Variants in TULP1 observed in about 807,000 individuals in gnomAD.
TULP1 encodes the protein TUB like protein 1.
Under a neutral mutation model 67.1 loss-of-function variants are expected in TULP1, and 50 were observed. That is an observed-to-expected ratio of 0.75 (90% CI 0.59 to 0.94). The LOEUF (loss-of-function observed/expected upper bound fraction) is 0.94. Among genes scored for constraint, TULP1 ranks in the 40% least tolerant of loss-of-function variants. TULP1 has a pLI of 0.00. For synonymous variants in TULP1, 297 were observed against 294.0 expected (o/e 1.01, Z -0.11); for missense variants, 746 against 734.1 (o/e 1.02, Z -0.19).
chr6:35,505,365 C>T (rs915552708), intron 11 of TULP1, among the ~76,000 whole-genome samples: 2 of 152,190 alleles, frequency 1.3e-5, no homozygotes, highest in African/African-American at 4.8e-5. Flanking sequence ...TATGTTCATT[C>T]ACTTGATCAG....
Position 35,503,741 on chromosome 6 carries a change from A to G in TULP1, c.1220T>C (p.Ile407Thr). 6.2e-7 allele frequency: 1 copy of G among 1,612,704 alleles called. No individual in the cohort carries two copies. Among genetic ancestry groups the G allele is most frequent in the Non-Finnish European group, 8.5e-7 (1 of 1,179,414 alleles). ...GGGGACAGGTGGAGTCCTCACATAG[A>G]TCACAGCTGCCAGCTCCTGCCGAAG... is the stretch of plus-strand genomic sequence containing the variant. ...ASLRQELAAV[I>T]YETNVLGFRG... The change falls in exon 12 of 15, where the codon ATC becomes ACC. Residue 407 changes from isoleucine (I) to threonine (T), a missense_variant. Transcript: ENST00000229771. The surrounding 1 kb of genome is among the most constrained non-coding windows in gnomAD (Gnocchi z 4.0).
intron 8 of TULP1, among the ~76,000 whole-genome samples, chr6:35,508,080 C>G (rs1761119520): frequency 6.6e-6 from 1 of 152,184 alleles, no homozygotes; most frequent in Non-Finnish European, 1.5e-5. Flanking sequence ...CTCCTCCTCC[C>G]AAAGTGCTGG....
In TULP1 at chr6:35,507,226, A is replaced by C. The variant is rs562161661; in HGVS notation, c.823-947T>G. 8.0e-5 allele frequency among the ~76,000 whole-genome samples: 12 copies of C among 149,398 alleles called. 1 individual carries two copies. Among genetic ancestry groups the C allele is most frequent in the African/African-American group, 2.7e-4 (11 of 40,536 alleles). On this transcript the variant is annotated intron_variant, in intron 8 of 14. Transcript: ENST00000229771. ...AGCAAAAAAAAAAAAAAAAAAGAAC[A>C]CTCAAGCAGCCTCCAGGAGAGGTCC...
In TULP1 at chr6:35,510,997, T is replaced by G. The variant is rs1031858478; in HGVS notation, c.363A>C (p.Glu121Asp). 5.0e-6 allele frequency: 8 copies of G among 1,603,614 alleles called. No individual in the cohort carries two copies. Among genetic ancestry groups the G allele is most frequent in the Non-Finnish European group, 5.9e-6 (7 of 1,177,132 alleles). The change falls in exon 5 of 15, where the codon GAA (glutamate) becomes GAC (aspartate). Residue 121 changes from glutamate (E) to aspartate (D), a missense_variant. Physicochemically the swap from Glu to Asp is conservative, Grantham distance 45. Coordinates refer to ENST00000229771, the MANE Select transcript of TULP1 (RefSeq NM_003322.6). ...APDAEDEEEE[E>D]EEDEEDEEEE... ...CTTCCTCGTCCTCCTCGTCCTCCTC[T>G]TCCTCCTCCTCCTCTGCAGGTAGAA...
At chr6:35,511,949 A>C in intron 3 of TULP1, 143 bp from the exon 4 acceptor site, 3 of 959,098 alleles carry the variant, frequency 3.1e-6, no homozygotes, top group South Asian at 3.9e-5. Context: ...TCCACTTTCA[A>C]CACTTCTCCC....
chr6:35,498,160 C>G lies in TULP1; in HGVS notation c.*167G>C, dbSNP rs1400425569. 8.5e-7 allele frequency: 1 copy of G among 1,171,212 alleles called. No homozygotes were observed. Among genetic ancestry groups the G allele is most frequent in the East Asian group, 2.6e-5 (1 of 38,774 alleles). The allele number at this position is 1,171,212 out of a possible 1,614,324, so 72.6% of individuals were successfully genotyped here. ...CCGTCCGGGCTCCTCCTGCCTCGGC[C>G]TGTGCCAGGCTGGGGAGAGGACGGA... On this transcript the variant is annotated 3_prime_UTR_variant, in exon 15 of 15. Coordinates refer to ENST00000229771, the MANE Select transcript of TULP1 (RefSeq NM_003322.6). This position sits in a 1 kb window ranked among gnomAD's most constrained non-coding sequence, Gnocchi z 6.7.
At chr6:35,511,890 C>A (rs1761213164) in intron 3 of TULP1, 84 bp from the exon 4 acceptor site, 1 of 1,410,954 alleles carries the variant, frequency 7.1e-7, no homozygotes, top group Non-Finnish European at 9.4e-7. Flanking sequence ...CAAGCCTGGG[C>A]GCACCCCCTC....
At chr6:35,506,345 A>C in intron 8 of TULP1, 66 bp from the exon 9 acceptor site, 1 of 1,546,310 alleles carries the variant, frequency 6.5e-7, no homozygotes, top group Non-Finnish European at 8.7e-7. Context: ...CGGGGAAGCC[A>C]CTGCCCCTCA....
At chr6:35,512,717 T>G in intron 1 of TULP1, 27 bp from the exon 2 acceptor site, 1 of 1,612,514 alleles carries the variant, frequency 6.2e-7, no homozygotes, top group Non-Finnish European at 8.5e-7. Flanking sequence ...GATCAGCCTG[T>G]CTCCCTTCCC....
intron 11 of TULP1, chr6:35,505,514 TG>T: frequency 1.5e-6 from 2 of 1,297,464 alleles, no homozygotes; most frequent in Non-Finnish European, 2.1e-6. Context: ...GGGCATCGCC[TG>T]GGTGCTCATT....
intron 5 of TULP1, 46 bp from the exon 6 acceptor site, chr6:35,509,974 G>A (rs1441563472): frequency 2.5e-6 from 4 of 1,580,272 alleles, no homozygotes; most frequent in Non-Finnish European, 2.6e-6. Context: ...GTCTACTGGG[G>A]CTGAAGGCTG....
In TULP1 at chr6:35,503,704, C is replaced by A. The variant is rs1273766065; in HGVS notation, c.1224+33G>T. The A allele has an allele frequency of 1.2e-6, 2 of 1,604,384 alleles. No individual in the cohort carries two copies. The highest frequency in any genetic ancestry group is 1.7e-6 in the Non-Finnish European group (2 of 1,175,454). On this transcript the variant is annotated intron_variant, in intron 12 of 14. Coordinates refer to ENST00000229771, the MANE Select transcript of TULP1 (RefSeq NM_003322.6). This position sits in a 1 kb window ranked among gnomAD's most constrained non-coding sequence, Gnocchi z 4.0. ...GTGAGGCCAGCCCCTGTAAGGGGAG[C>A]AGCCTGGCATGGGGGACAGGTGGAG...
chr6:35,506,423 T>G (rs1039962135), intron 8 of TULP1, 144 bp from the exon 9 acceptor site: 27 of 1,058,038 alleles, frequency 2.6e-5, no homozygotes, highest in African/African-American at 3.1e-5. Flanking sequence ...ATTTTGATTC[T>G]GCTTAGCTTG....
rs1279906432 is a variant in TULP1, at chr6:35,506,070, C to T, written c.932G>A (p.Arg311Gln). 26 of 1,613,570 alleles carry T rather than the reference C, an allele frequency of 1.6e-5. No homozygotes were observed. Among genetic ancestry groups the T allele is most frequent in the African/African-American group, 5.3e-5 (4 of 74,930 alleles). ...QGRTVRCRLT[R>Q]DKKGMDRGMY... is the part of the protein sequence containing the mutation. The stretch of plus-strand genomic sequence containing the variant: ...GCCTCGATCCATGCCCTTTTTGTCC[C>T]GGGTCAGCCGGCAGCGCACCGTGCG... The change falls in exon 10 of 15, where the codon CGG (arginine) becomes CAG (glutamine). Residue 311 changes from arginine (R) to glutamine (Q), a missense_variant. Physicochemically the swap from Arg to Gln is conservative, Grantham distance 43 (BLOSUM62 1). Coordinates refer to ENST00000229771, the MANE Select transcript of TULP1 (RefSeq NM_003322.6).
Position 35,500,258 on chromosome 6 carries a change from G to A in TULP1, c.1324-106C>T, listed in dbSNP as rs1332926087. ...CTGGGCATGTGTGCACAGGGGTGTGGCCTGGACATCTTCATCCATTAGGGT... is the reference window on the plus strand; with the variant it reads ...CTGGGCATGTGTGCACAGGGGTGTGACCTGGACATCTTCATCCATTAGGGT... On this transcript the variant is annotated intron_variant, in intron 13 of 14. Transcript: ENST00000229771. The A allele has an allele frequency of 2.4e-6, 3 of 1,238,358 alleles. No homozygotes were observed. The African/African-American group carries it at 4.4e-5, about 18-fold the overall frequency. The allele number at this position is 1,238,358 out of a possible 1,614,324, so 76.7% of individuals were successfully genotyped here.
chr6:35,509,882 C>G lies in TULP1; in HGVS notation c.546G>C (p.Arg182Ser). 1.2e-6 allele frequency: 2 copies of G among 1,613,998 alleles called. No homozygotes were observed. The highest frequency in any genetic ancestry group is 2.2e-5 in the East Asian group (1 of 44,858). Residue 182 changes from arginine to serine, a missense_variant, in exon 6 of 15, where the codon AGG becomes AGC. Transcript: ENST00000229771. ...PDPPPKPLRV[R>S]NKEAPAGEGT... The stretch of plus-strand genomic sequence containing the variant: ...CCTCCCCTGCTGGAGCTTCCTTATT[C>G]CTAACACGCAGAGGTTTCGGTGGGG...
At chr6:35,508,709 G>T (rs1183078337) in intron 8 of TULP1, among the ~76,000 whole-genome samples, 1 of 152,208 alleles carries the variant, frequency 6.6e-6, no homozygotes, top group Non-Finnish European at 1.5e-5. Context: ...AAACAGGGAG[G>T]CTCCTGATGG....
intron 3 of TULP1, 124 bp from the exon 4 acceptor site, chr6:35,511,930 G>T: frequency 8.5e-7 from 1 of 1,170,808 alleles, no homozygotes. Flanking sequence ...TCTCCCCTGG[G>T]CTTGGGTTTC....
At position 35,504,114 on chromosome 6, in the gene TULP1, G is replaced by C. The variant is rs4711418; in HGVS notation, c.1113-266C>G. ...GAGGATCGCTTGAGTCCAGGAGTTG[G>C]AAACCAGCCTGGGCAACATGGCAGA... On this transcript the variant is annotated intron_variant, in intron 11 of 14. Coordinates refer to ENST00000229771, the MANE Select transcript of TULP1 (RefSeq NM_003322.6). The C allele has an allele frequency of 7.7e-3, 3,251 of 422,188 alleles. 61 individuals are homozygous for C. The highest frequency in any genetic ancestry group is 0.054 in the East Asian group (1,156 of 21,400). The allele number at this position is 422,188 out of a possible 1,614,324, so 26.2% of individuals were successfully genotyped here.
Sources: gnomAD v4.1 joint callset for allele counts (sites outside exome capture counted in the v4.1 genomes callset) on GRCh38, gnomAD v4.1.1 for gene constraint, Gnocchi (gnomAD v3.1) non-coding constraint, MANE v1.5 for transcripts, NCBI Gene and HGNC (gene_info 2026-07-23, HGNC 2026-07-21) for gene names.